OR10J1: variants seen among roughly 807,000 people sequenced by gnomAD.
The protein encoded by OR10J1 is olfactory receptor 10J1.
For missense variants in OR10J1, 474 were observed against 376.6 expected (o/e 1.26, Z -2.14); for synonymous variants, 202 against 143.8 (o/e 1.40, Z -2.89).
the OR10J1 span, among the ~76,000 whole-genome samples, chr1:159,403,544 C>T: frequency 6.6e-6 from 1 of 152,070 alleles, no homozygotes; most frequent in Non-Finnish European, 1.5e-5. Flanking sequence ...CAGAGAAATG[C>T]AAATCAAAAC....
chr1:159,427,385 T>G, the OR10J1 span, among the ~76,000 whole-genome samples: 7 of 151,768 alleles, frequency 4.6e-5, no homozygotes, highest in South Asian at 1.5e-3. Context: ...GTTGAAGAGA[T>G]TAATTAGAAA....
At chr1:159,397,886 C>A in the OR10J1 span, among the ~76,000 whole-genome samples, 14 of 152,150 alleles carry the variant, frequency 9.2e-5, no homozygotes, top group Non-Finnish European at 1.8e-4. Flanking sequence ...GATTATAGAG[C>A]CCCAGGGCCT....
the OR10J1 span, among the ~76,000 whole-genome samples, chr1:159,400,757 T>C: frequency 6.6e-6 from 1 of 151,868 alleles, no homozygotes; most frequent in African/African-American, 2.4e-5. Context: ...TTCTGCACTA[T>C]AGACCAAATA....
At chr1:159,422,853 C>T in the OR10J1 span, among the ~76,000 whole-genome samples, 1 of 152,128 alleles carries the variant, frequency 6.6e-6, no homozygotes, top group Non-Finnish European at 1.5e-5. Context: ...CTTACTCTTT[C>T]CCCACATTAG....
chr1:159,428,518 T>C, the OR10J1 span, among the ~76,000 whole-genome samples: 1 of 152,086 alleles, frequency 6.6e-6, no homozygotes, highest in Non-Finnish European at 1.5e-5. Context: ...GAAGAGACAT[T>C]GACAAAAAAG....
At chr1:159,424,594 C>G in the OR10J1 span, among the ~76,000 whole-genome samples, 1 of 151,648 alleles carries the variant, frequency 6.6e-6, no homozygotes, top group East Asian at 1.9e-4. Flanking sequence ...GAAATAAAAA[C>G]AGGCTTCTAC....
the OR10J1 span, among the ~76,000 whole-genome samples, chr1:159,398,813 TG>T: frequency 6.6e-6 from 1 of 151,988 alleles, no homozygotes; most frequent in Non-Finnish European, 1.5e-5. Flanking sequence ...TATTGAGAAA[TG>T]GTAAGAATTA....
the OR10J1 span, among the ~76,000 whole-genome samples, chr1:159,404,348 T>C: frequency 1.3e-5 from 2 of 152,036 alleles, no homozygotes; most frequent in African/African-American, 4.8e-5. Flanking sequence ...GGAATGAATA[T>C]AGACTCCGGG....
the OR10J1 span, among the ~76,000 whole-genome samples, chr1:159,414,288 T>C: frequency 6.6e-6 from 1 of 152,070 alleles, no homozygotes; most frequent in East Asian, 1.9e-4. Context: ...TACCGTTCTG[T>C]TCTCTACCTC....
the OR10J1 span, chr1:159,406,120 G>T: frequency 2.2e-6 from 1 of 457,190 alleles, no homozygotes; most frequent in Non-Finnish European, 4.4e-6. Flanking sequence ...AGGCGAGAAA[G>T]CATATGGGGA....
chr1:159,431,201 C>G, the OR10J1 span, among the ~76,000 whole-genome samples: 1 of 152,174 alleles, frequency 6.6e-6, no homozygotes, highest in Non-Finnish European at 1.5e-5. Flanking sequence ...TGTTCTAGGT[C>G]AGCACACTGG....
Position 159,439,803 on chromosome 1 carries a change from G to A in OR10J1, c.12G>A (p.Glu4=). The part of the protein sequence containing the change: MKR[E]NFTLITDFVF... ...TTGGGAACCAATCCATGAAAAGAGA[G>A]AACTTTACTCTCATCACTGACTTTG... Residue 4 remains glutamate, a synonymous_variant, in exon 1 of 1, where the codon GAG becomes GAA. Coordinates refer to ENST00000423932, the MANE Select transcript of OR10J1 (RefSeq NM_012351.3). 6.2e-7 allele frequency: 1 copy of A among 1,614,050 alleles called. No individual in the cohort carries two copies. Among genetic ancestry groups the A allele is most frequent in the Non-Finnish European group, 8.5e-7 (1 of 1,179,954 alleles).
At chr1:159,410,510 T>C in the OR10J1 span, among the ~76,000 whole-genome samples, 1 of 152,194 alleles carries the variant, frequency 6.6e-6, no homozygotes, top group African/African-American at 2.4e-5. Context: ...TATTCTCTGA[T>C]GGTAGTTTGT....
chr1:159,405,812 C>T, the OR10J1 span: 53 of 1,323,888 alleles, frequency 4.0e-5, no homozygotes, highest in Non-Finnish European at 5.3e-5. Context: ...TCTGTGCAGG[C>T]CAGCTTCAGC....
At chr1:159,399,502 T>C in the OR10J1 span, among the ~76,000 whole-genome samples, 1 of 128,148 alleles carries the variant, frequency 7.8e-6, no homozygotes, top group African/African-American at 3.0e-5. Context: ...ACCTGGGAGG[T>C]GGAGCTTGCA....
At chr1:159,433,755 G>A (rs1028272040), upstream of OR10J1, among the ~76,000 whole-genome samples, 4 of 152,154 alleles carry the variant, frequency 2.6e-5, no homozygotes, top group African/African-American at 9.7e-5. Context: ...TGCTTCTGCG[G>A]AACCTGACCT....
chr1:159,405,682 G>C, the OR10J1 span: 18 of 565,562 alleles, frequency 3.2e-5, no homozygotes, highest in Admixed American at 3.9e-4. Flanking sequence ...CCTACCCTCA[G>C]TTGAAGCAAT....
At chr1:159,413,644 A>T in the OR10J1 span, among the ~76,000 whole-genome samples, 8 of 148,096 alleles carry the variant, frequency 5.4e-5, no homozygotes, top group African/African-American at 1.7e-4. Context: ...AACAATGAGA[A>T]CACATGGACA....
At chr1:159,414,060 A>G in the OR10J1 span, among the ~76,000 whole-genome samples, 1 of 151,980 alleles carries the variant, frequency 6.6e-6, no homozygotes, top group South Asian at 2.1e-4. Context: ...TAGGGTATCT[A>G]TCACCTTCAG....
Sources: gnomAD v4.1 joint callset for allele counts (sites outside exome capture counted in the v4.1 genomes callset) on GRCh38, gnomAD v4.1.1 for gene constraint, MANE v1.5 for transcripts, NCBI Gene and HGNC (gene_info 2026-07-23, HGNC 2026-07-21) for gene names.